Variants in TSPAN10 observed in about 807,000 individuals in gnomAD.
The protein encoded by TSPAN10 is tetraspanin-10.
Under a neutral mutation model 15.0 loss-of-function variants are expected in TSPAN10, and 11 were observed. The observed-to-expected ratio is 0.73, with a 90% CI of 0.46 to 1.21. The LOEUF is 1.21. Among genes scored for constraint, TSPAN10 ranks in the 50% most tolerant of loss-of-function variants. The pLI, the probability that TSPAN10 is intolerant of heterozygous loss-of-function variation, is 0.00. For synonymous variants in TSPAN10, 241 were observed against 226.2 expected (o/e 1.07, Z -0.59); for missense variants, 486 against 470.6 (o/e 1.03, Z -0.30).
At chr17:81,645,677 G>A (rs760428235) in intron 2 of TSPAN10, 48 bp downstream of exon 3, 51 of 1,602,110 alleles carry the variant, frequency 3.2e-5, no homozygotes, top group Middle Eastern at 3.4e-4. Context: ...GGGTCGCAGA[G>A]GCCACACACC....
exon 3 of TSPAN10, chr17:81,648,218 C>G (rs1405688392): frequency 3.1e-6 from 4 of 1,293,446 alleles, no homozygotes; most frequent in Non-Finnish European, 3.9e-6. Flanking sequence ...GGCCCCGGAG[C>G]GCGCGGGGAG....
chr17:81,648,352 C>G, downstream of TSPAN10: 1 of 1,192,940 alleles, frequency 8.4e-7, no homozygotes. Context: ...CGCCTCCGCC[C>G]GGCTAAAAAG....
At chr17:81,644,004 T>TA (rs2036208705) in intron 1 of TSPAN10, among the ~76,000 whole-genome samples, 1 of 143,704 alleles carries the variant, frequency 7.0e-6, no homozygotes, top group Non-Finnish European at 1.5e-5. Flanking sequence ...CACGCCCGGC[T>TA]AATTTTTTTT....
chr17:81,639,652 C>T (rs972615598), upstream of TSPAN10, among the ~76,000 whole-genome samples: 3 of 150,824 alleles, frequency 2.0e-5, no homozygotes, highest in East Asian at 2.0e-4. Context: ...CATCCCAGCG[C>T]GGTGGCTCAC....
At position 81,647,974 on chromosome 17, in the gene TSPAN10, G is replaced by T. The variant is rs1410881542; in HGVS notation, c.748G>T (p.Asp250Tyr). The change falls in exon 3 of 3, where the codon GAT becomes TAT. Residue 250 changes from aspartate (D) to tyrosine (Y), a missense_variant. Physicochemically the swap from Asp to Tyr is radical, Grantham distance 160. Transcript: ENST00000611590. ...CTCCTGCTGCATCGACCCCCGCGAA[G>T]ATGGAGCCTCTGTCAACGACCAGTG... 1.9e-6 allele frequency: 3 copies of T among 1,611,444 alleles called. No homozygotes were observed. In the Admixed American group the frequency reaches 5.0e-5, roughly 27 times the overall value.
chr17:81,645,805 G>C, intron 2 of TSPAN10, 176 bp downstream of exon 3: 1 of 830,866 alleles, frequency 1.2e-6, no homozygotes, highest in Non-Finnish European at 1.9e-6. Context: ...CGTGCTCACA[G>C]GTTTCACGTG....
chr17:81,637,276 A>G, exon 1 of TSPAN10: 1 of 555,188 alleles, frequency 1.8e-6, no homozygotes, highest in South Asian at 2.1e-5. Context: ...TCGGAAACCC[A>G]AGCGGCACAG....
chr17:81,647,439 G>A (rs1383981138), intron 2 of TSPAN10: 1 of 460,368 alleles, frequency 2.2e-6, no homozygotes, highest in Admixed American at 2.3e-5. Context: ...CCCCACCCCT[G>A]CTTTCTGTCA....
At chr17:81,645,706 G>A in intron 2 of TSPAN10, 77 bp downstream of exon 3, 1 of 1,546,516 alleles carries the variant, frequency 6.5e-7, no homozygotes, top group Non-Finnish European at 8.8e-7. Flanking sequence ...TGTACACACA[G>A]TCACTCACAC....
At chr17:81,642,531 C>T in intron 1 of TSPAN10, 83 bp downstream of exon 2, 2 of 1,407,420 alleles carry the variant, frequency 1.4e-6, no homozygotes, top group Non-Finnish European at 2.0e-6. Flanking sequence ...GGGCTGGGTT[C>T]ACACCCACCC....
chr17:81,648,233 G>T, exon 3 of TSPAN10: 1 of 1,255,954 alleles, frequency 8.0e-7, no homozygotes. Context: ...GGGGAGGACC[G>T]CGCTGGCCCC....
In TSPAN10 at chr17:81,643,427, C is replaced by T. The variant is rs1429216446; in HGVS notation, c.36+979C>T. Among the ~76,000 whole-genome samples, 24 of 94,046 alleles carry T rather than the reference C, an allele frequency of 2.6e-4. 5 individuals carry two copies. The highest frequency in any genetic ancestry group is 4.2e-4 in the Non-Finnish European group (22 of 52,204). 61.7% of individuals were successfully genotyped at this position (94,046 alleles called of 152,430 possible). ...GAGATCGAGACCATCCCGGCTAAAA[C>T]GGTGAAACCCTGTCTCTACTAAAAA... On this transcript the variant is annotated intron_variant, in intron 1 of 2. Coordinates refer to ENST00000611590, the Ensembl canonical transcript of TSPAN10.
At chr17:81,642,094 A>G (rs2036183460), upstream of TSPAN10, among the ~76,000 whole-genome samples, 1 of 152,136 alleles carries the variant, frequency 6.6e-6, no homozygotes, top group South Asian at 2.1e-4. Context: ...AGTGAGAGCC[A>G]CAAGGCTGGC....
chr17:81,639,349 A>G (rs768560349), upstream of TSPAN10, among the ~76,000 whole-genome samples: 1 of 151,558 alleles, frequency 6.6e-6, no homozygotes, highest in Non-Finnish European at 1.5e-5. Flanking sequence ...CTGAGATTAC[A>G]AGCGTGCGCT....
In TSPAN10 at chr17:81,647,893, C is replaced by A; in HGVS notation, c.675-8C>A. On this transcript the variant is annotated splice_polypyrimidine_tract_variant and splice_region_variant and intron_variant, in intron 2 of 2. Coordinates refer to ENST00000611590, the Ensembl canonical transcript of TSPAN10. ...CCGCCAGAACTGACGATTCCATGCGCCTTGCAGGTACTTTAACTGCAGCTC... is the reference window on the plus strand; with the variant it reads ...CCGCCAGAACTGACGATTCCATGCGACTTGCAGGTACTTTAACTGCAGCTC... 1.9e-6 allele frequency: 3 copies of A among 1,590,084 alleles called. No individual in the cohort carries two copies. Among genetic ancestry groups the A allele is most frequent in the African/African-American group, 1.3e-5 (1 of 74,606 alleles).
intron 1 of TSPAN10, 60 bp downstream of exon 2, chr17:81,642,508 A>G: frequency 6.5e-7 from 1 of 1,539,518 alleles, no homozygotes; most frequent in Non-Finnish European, 8.8e-7. Context: ...CTGAAGTCCT[A>G]AGGGAAGTCC....
At chr17:81,638,862 G>A (rs1182764353), upstream of TSPAN10, 1 of 152,148 alleles carries the variant, frequency 6.6e-6, no homozygotes, top group Non-Finnish European at 1.5e-5. Flanking sequence ...AATTTGGGAG[G>A]TTTAGAATCT....
At chr17:81,642,596 T>C in intron 1 of TSPAN10, 148 bp downstream of exon 2, 1 of 773,216 alleles carries the variant, frequency 1.3e-6, no homozygotes, top group Non-Finnish European at 2.1e-6. Flanking sequence ...AGGGGGGTGG[T>C]TCTAGGCAGC....
chr17:81,644,813 C>T (rs892326294), intron 1 of TSPAN10, among the ~76,000 whole-genome samples, 179 bp from the exon 3 acceptor site: 11 of 152,238 alleles, frequency 7.2e-5, no homozygotes, highest in African/African-American at 1.9e-4. Context: ...CCGAGCGGGA[C>T]GGCCCTGAGG....
Sources: allele counts gnomAD v4.1 joint callset (sites outside exome capture counted in the v4.1 genomes callset), GRCh38; gene constraint gnomAD v4.1.1; transcripts MANE v1.5; gene names NCBI Gene and HGNC (gene_info 2026-07-23, HGNC 2026-07-21).